MDGA2: variants seen among roughly 807,000 people sequenced by gnomAD.
The protein encoded by MDGA2 is MAM domain containing glycosylphosphatidylinositol anchor 2.
A neutral mutation model predicts 117.8 loss-of-function variants in MDGA2; 40 were observed. The observed-to-expected ratio is 0.34, with a 90% CI of 0.26 to 0.44. MDGA2 has a LOEUF of 0.44. MDGA2 is among the 20% of genes least tolerant of loss of function. The probability of loss-of-function intolerance (pLI) is 1.00; values close to 1 mark genes in which losing one functional copy is unlikely to be tolerated. For missense variants in MDGA2, 1,123 were observed against 1,250.6 expected, an observed-to-expected ratio of 0.90 and a Z score of 1.54; for synonymous variants, 452 against 439.0, an observed-to-expected ratio of 1.03 and a Z score of -0.37.
intron 9 of MDGA2, among the ~76,000 whole-genome samples, chr14:46,929,580 CGTGTGTGTGT>C (rs375013114): frequency 3.9e-4 from 13 of 33,006 alleles, no homozygotes; most frequent in South Asian, 1.6e-3. Context: ...AGTATATATA[CGTGTGTGTGT>C]GTGTGTGTGT....
intron 1 of MDGA2, among the ~76,000 whole-genome samples, chr14:47,630,228 C>G (rs1371120818): frequency 2.0e-5 from 3 of 152,128 alleles, no homozygotes; most frequent in African/African-American, 7.2e-5. Context: ...TTAGCAATCA[C>G]TTCTGCAATA....
intron 1 of MDGA2, among the ~76,000 whole-genome samples, chr14:47,671,314 C>A (rs1438492722): frequency 6.6e-6 from 1 of 152,086 alleles, no homozygotes; most frequent in Non-Finnish European, 1.5e-5. Context: ...ACAGATTGGG[C>A]ATAACAGGAA....
In MDGA2 at chr14:47,422,930, G is replaced by A. The variant is rs77824839; in HGVS notation, c.281-121380C>T. Among the ~76,000 whole-genome samples the A allele has an allele frequency of 1.1e-4, 16 of 152,304 alleles. No homozygotes were observed. In the East Asian group the frequency reaches 2.9e-3, roughly 28 times the overall value. On this transcript the variant is annotated intron_variant, in intron 1 of 16. Coordinates refer to ENST00000399232, the MANE Select transcript of MDGA2 (RefSeq NM_001113498.3). ...ATAGATAGATGATAGATGATAGATA[G>A]ATAGGTAGATAGATATTCAGACGAC... is the stretch of plus-strand genomic sequence containing the variant.
At chr14:47,518,890 T>C (rs1249131683) in intron 1 of MDGA2, among the ~76,000 whole-genome samples, 1 of 152,194 alleles carries the variant, frequency 6.6e-6, no homozygotes, top group Non-Finnish European at 1.5e-5. Flanking sequence ...TTGGAGGCCA[T>C]ATGCCCTTGG....
chr14:46,923,382 C>CAGA (rs1183755369), intron 9 of MDGA2, among the ~76,000 whole-genome samples: 4 of 151,710 alleles, frequency 2.6e-5, no homozygotes, highest in Non-Finnish European at 1.5e-5. Context: ...AATGAAGGTG[C>CAGA]AGAATGGAGA....
intron 1 of MDGA2, among the ~76,000 whole-genome samples, chr14:47,440,040 G>A (rs182542198): frequency 2.3e-4 from 35 of 152,066 alleles, no homozygotes; most frequent in Middle Eastern, 3.4e-3. Flanking sequence ...CTAGTGCCAA[G>A]ATTCTCAGCA....
intron 5 of MDGA2, among the ~76,000 whole-genome samples, chr14:47,099,357 A>T (rs901592327): frequency 6.6e-6 from 1 of 151,936 alleles, no homozygotes; most frequent in Non-Finnish European, 1.5e-5. Flanking sequence ...TTCAGTGTAA[A>T]TCATGTCGTT....
chr14:47,467,354 A>G (rs1334459872), intron 1 of MDGA2, among the ~76,000 whole-genome samples: 1 of 152,080 alleles, frequency 6.6e-6, no homozygotes, highest in East Asian at 1.9e-4. Flanking sequence ...AATAACTATA[A>G]AAGTTTCAAG....
chr14:47,358,556 T>C (rs1891045702), intron 1 of MDGA2, among the ~76,000 whole-genome samples: 1 of 152,052 alleles, frequency 6.6e-6, no homozygotes, highest in Non-Finnish European at 1.5e-5. Context: ...ATCCTATACG[T>C]AGAAAACCCT....
At chr14:47,116,523 A>G (rs1030627255) in intron 5 of MDGA2, among the ~76,000 whole-genome samples, 2 of 152,168 alleles carry the variant, frequency 1.3e-5, no homozygotes, top group African/African-American at 4.8e-5. Context: ...TTGCAAAGCT[A>G]TAGTAATCAA....
At chr14:46,938,983 G>T (rs1884894328) in intron 9 of MDGA2, among the ~76,000 whole-genome samples, 1 of 152,130 alleles carries the variant, frequency 6.6e-6, no homozygotes, top group Admixed American at 6.6e-5. Flanking sequence ...AGCCTGGAGG[G>T]CATTATGTTA....
At chr14:47,491,470 T>C (rs1225887425) in intron 1 of MDGA2, among the ~76,000 whole-genome samples, 1 of 152,104 alleles carries the variant, frequency 6.6e-6, no homozygotes, top group Non-Finnish European at 1.5e-5. Context: ...CAATAAAGAT[T>C]AAGAATGCCT....
intron 1 of MDGA2, among the ~76,000 whole-genome samples, chr14:47,302,784 A>G (rs897079383): frequency 1.3e-5 from 2 of 152,200 alleles, no homozygotes; most frequent in African/African-American, 4.8e-5. Flanking sequence ...TTTATATAAC[A>G]TAAATGCACA....
At chr14:47,424,900 T>C (rs75198337) in intron 1 of MDGA2, among the ~76,000 whole-genome samples, 3 of 152,178 alleles carry the variant, frequency 2.0e-5, no homozygotes, top group African/African-American at 7.2e-5. Context: ...CTCTAAAGGA[T>C]AGAGATATGG....
intron 1 of MDGA2, among the ~76,000 whole-genome samples, chr14:47,384,992 T>C (rs1488192229): frequency 2.0e-5 from 3 of 152,206 alleles, no homozygotes; most frequent in African/African-American, 4.8e-5. Context: ...AACATTTTTC[T>C]TGATGTGAGC....
chr14:47,180,985 A>T (rs1399181907), intron 3 of MDGA2, among the ~76,000 whole-genome samples: 2 of 152,138 alleles, frequency 1.3e-5, no homozygotes, highest in African/African-American at 4.8e-5. Flanking sequence ...GAGGTTGCAG[A>T]GGAAAACGAT....
At chr14:46,956,231 C>T (rs1005159243) in intron 9 of MDGA2, among the ~76,000 whole-genome samples, 27 of 151,924 alleles carry the variant, frequency 1.8e-4, no homozygotes, top group Admixed American at 1.5e-3. Flanking sequence ...TGTCCAGTTT[C>T]TTTTTTTTAC....
intron 1 of MDGA2, among the ~76,000 whole-genome samples, chr14:47,341,010 T>C (rs1002102343): frequency 6.6e-6 from 1 of 152,142 alleles, no homozygotes; most frequent in Non-Finnish European, 1.5e-5. Context: ...CCCTCTATAT[T>C]TAATTTCCTA....
chr14:47,083,288 T>C (rs2138902275), intron 6 of MDGA2, among the ~76,000 whole-genome samples: 1 of 151,838 alleles, frequency 6.6e-6, no homozygotes, highest in South Asian at 2.1e-4. Flanking sequence ...TACTATAAAA[T>C]GTCTAAAGAT....
Sources: gnomAD v4.1 joint callset for allele counts (sites outside exome capture counted in the v4.1 genomes callset) on GRCh38, gnomAD v4.1.1 for gene constraint, MANE v1.5 for transcripts, NCBI Gene and HGNC (gene_info 2026-07-23, HGNC 2026-07-21) for gene names.